ANKRD55: variants seen among roughly 807,000 people sequenced by gnomAD.
The protein encoded by ANKRD55 is ankyrin repeat domain-containing protein 55.
In ANKRD55, 41 loss-of-function variants were observed where a neutral mutation model predicts 60.6. That is an observed-to-expected ratio of 0.68 (90% confidence interval 0.53 to 0.88). The LOEUF (loss-of-function observed/expected upper bound fraction) is 0.88. ANKRD55 is among the 40% of genes least tolerant of loss of function. The probability of loss-of-function intolerance (pLI) is 0.00; values close to 1 mark genes in which losing one functional copy is unlikely to be tolerated. For synonymous variants in ANKRD55, 264 were observed against 290.3 expected, an observed-to-expected ratio of 0.91 and a Z score of 0.92; for missense variants, 732 against 767.6, an observed-to-expected ratio of 0.95 and a Z score of 0.55.
chr5:56,150,878 G>A lies in ANKRD55; in HGVS notation c.484-6949C>T, dbSNP rs139197550. Among the ~76,000 whole-genome samples, 816 of 152,338 alleles carry A rather than the reference G, an allele frequency of 5.4e-3. 25 individuals are homozygous for A. The highest frequency in any genetic ancestry group is 0.038 in the Admixed American group (577 of 15,306). On this transcript the variant is annotated intron_variant, in intron 6 of 11. Coordinates refer to ENST00000341048, the MANE Select transcript of ANKRD55 (RefSeq NM_024669.3). Reference sequence around the variant, plus strand: ...CGCACCACTGCACTCCAGCCTTGGCGACAAAGCGAGACTCCGTCTCAATAA... The same window carrying A: ...CGCACCACTGCACTCCAGCCTTGGCAACAAAGCGAGACTCCGTCTCAATAA...
intron 10 of ANKRD55, among the ~76,000 whole-genome samples, chr5:56,106,786 G>A (rs1222244228): frequency 8.6e-5 from 13 of 152,020 alleles, no homozygotes; most frequent in Admixed American, 8.5e-4. Flanking sequence ...TGGGAGGATT[G>A]CTTGAGGCCA....
chr5:56,207,602 G>A (rs186451167), intron 2 of ANKRD55, among the ~76,000 whole-genome samples: 2 of 152,312 alleles, frequency 1.3e-5, no homozygotes, highest in Non-Finnish European at 1.5e-5. Context: ...GCATGTTACT[G>A]TACTGAATAC....
chr5:56,197,823 A>G (rs1759261911), intron 2 of ANKRD55, among the ~76,000 whole-genome samples: 1 of 152,190 alleles, frequency 6.6e-6, no homozygotes, highest in Non-Finnish European at 1.5e-5. Flanking sequence ...ATTGGATTTG[A>G]GCATTAAATT....
Position 56,217,624 on chromosome 5 carries a change from G to A in ANKRD55, c.58+15232C>T, listed in dbSNP as rs186908943. 7.9e-5 allele frequency among the ~76,000 whole-genome samples: 12 copies of A among 152,268 alleles called. No homozygotes were observed. In the East Asian group the frequency reaches 1.3e-3, roughly 17 times the overall value. ...ATACCCTTAAAAACATTCATGATTC[G>A]TGGCTCATGCCTGTAATCCCAGCAC... On this transcript the variant is annotated intron_variant, in intron 2 of 11. Transcript: ENST00000341048.
At chr5:56,230,854 C>T (rs1760235034) in intron 2 of ANKRD55, among the ~76,000 whole-genome samples, 1 of 152,132 alleles carries the variant, frequency 6.6e-6, no homozygotes, top group Non-Finnish European at 1.5e-5. Flanking sequence ...GATGAGTAGT[C>T]TTTTGCACTT....
At position 56,104,187 on chromosome 5, in the gene ANKRD55, T is replaced by C. The variant is rs540742853; in HGVS notation, c.1631-1601A>G. 9.7e-4 allele frequency among the ~76,000 whole-genome samples: 148 copies of C among 152,324 alleles called. 2 individuals are homozygous for C. The South Asian group carries it at 0.012, about 13-fold the overall frequency. ...ATGGAACACTTACTTTTGTCAGGAA[T>C]AGGGATAAATGCTGTAGGCATAATC... On this transcript the variant is annotated intron_variant, in intron 10 of 11. Transcript: ENST00000341048.
chr5:56,115,204 A>ATAAT lies in ANKRD55; in HGVS notation c.965+1407_965+1410dup, dbSNP rs1364723830. On this transcript the variant is annotated intron_variant, in intron 9 of 11. Transcript: ENST00000341048. ...GACAAGTGAGACTCTGGTTCTAAAA[A>ATAAT]TAATAATAATAATAAATAAATAAAT... 3.6e-5 allele frequency among the ~76,000 whole-genome samples: 3 copies of ATAAT among 83,076 alleles called. No homozygotes were observed. In the East Asian group the frequency reaches 1.0e-3, roughly 28 times the overall value. The allele number at this position is 83,076 out of a possible 152,430, so 54.5% of individuals were successfully genotyped here.
At chr5:56,167,301 G>A (rs1267487643) in intron 5 of ANKRD55, among the ~76,000 whole-genome samples, 1 of 152,246 alleles carries the variant, frequency 6.6e-6, no homozygotes, top group Non-Finnish European at 1.5e-5. Context: ...TGCACAGCAT[G>A]TGACTGTACT....
intron 2 of ANKRD55, among the ~76,000 whole-genome samples, chr5:56,227,881 A>T (rs1167075657): frequency 6.6e-6 from 1 of 152,160 alleles, no homozygotes; most frequent in African/African-American, 2.4e-5. Context: ...TGCTCCATAA[A>T]CATTCGCTCT....
intron 8 of ANKRD55, among the ~76,000 whole-genome samples, chr5:56,126,140 A>G (rs1189864056): frequency 6.7e-6 from 1 of 150,290 alleles, no homozygotes; most frequent in East Asian, 1.9e-4. Flanking sequence ...TCTCAAAAAA[A>G]TAGATAAAAT....
At chr5:56,104,657 T>TTAA (rs1196123835) in intron 10 of ANKRD55, among the ~76,000 whole-genome samples, 1 of 151,830 alleles carries the variant, frequency 6.6e-6, no homozygotes. Flanking sequence ...GACTGCAGGA[T>TTAA]TAATAATAAT....
At chr5:56,205,303 C>T (rs141651367) in intron 2 of ANKRD55, among the ~76,000 whole-genome samples, 19,168 of 152,170 alleles carry the variant, frequency 0.13, 2,622 homozygotes, top group African/African-American at 0.33. Context: ...TCAAGTGATC[C>T]ACCTGCCTCA....
chr5:56,170,593 C>G, intron 5 of ANKRD55, 101 bp downstream of exon 5: 173 of 788,556 alleles, frequency 2.2e-4, no homozygotes, highest in Middle Eastern at 2.9e-4. Context: ...AGATGGTTTT[C>G]TTTTTCTTTT....
At chr5:56,162,115 G>A in intron 5 of ANKRD55, 2 of 772,890 alleles carry the variant, frequency 2.6e-6, no homozygotes, top group Non-Finnish European at 3.1e-6. Context: ...GAGGTCAGCT[G>A]TGGTCCAGTG....
chr5:56,168,247 C>T (rs1017312241), intron 5 of ANKRD55, among the ~76,000 whole-genome samples: 9 of 152,204 alleles, frequency 5.9e-5, no homozygotes, highest in South Asian at 2.1e-4. Context: ...TGCGGTTTCG[C>T]TTTCCATTAT....
chr5:56,118,846 A>T (rs1276416537), intron 8 of ANKRD55, among the ~76,000 whole-genome samples: 1 of 152,076 alleles, frequency 6.6e-6, no homozygotes, highest in East Asian at 1.9e-4. Context: ...ACCAATACAC[A>T]CCTATGAAGA....
At chr5:56,163,458 C>T (rs1758380020) in intron 5 of ANKRD55, among the ~76,000 whole-genome samples, 2 of 152,322 alleles carry the variant, frequency 1.3e-5, no homozygotes, top group South Asian at 4.1e-4. Context: ...TCTACACCCC[C>T]ATCAGCCAAG....
rs201139565 is a variant in ANKRD55, at chr5:56,183,578, C to G, written c.115G>C (p.Asp39His). ...ATCACTGCAGTCAGAGCATTGACAT[C>G]TCCATTAGAGGCTGCTTGATAAACC... ...TMVYQAASNGDVNALTAVIRE... is the reference protein window; with the variant it reads ...TMVYQAASNGHVNALTAVIRE... Residue 39 changes from aspartate to histidine, a missense_variant, in exon 3 of 12, where the codon GAT becomes CAT. By Grantham distance (81) the Asp-to-His change is moderately conservative (BLOSUM62 -1). Coordinates refer to ENST00000341048, the MANE Select transcript of ANKRD55 (RefSeq NM_024669.3). 510 of 1,614,214 alleles carry G rather than the reference C, an allele frequency of 3.2e-4. 2 individuals carry two copies. In the East Asian group the frequency reaches 7.4e-3, roughly 23 times the overall value.
chr5:56,169,140 AG>A (rs1758550161), intron 5 of ANKRD55, among the ~76,000 whole-genome samples: 1 of 152,192 alleles, frequency 6.6e-6, no homozygotes, highest in Non-Finnish European at 1.5e-5. Flanking sequence ...TACAGGTGTG[AG>A]CCATGGCACC....
Sources: gnomAD v4.1 joint callset for allele counts (sites outside exome capture counted in the v4.1 genomes callset) on GRCh38, gnomAD v4.1.1 for gene constraint, MANE v1.5 for transcripts, NCBI Gene and HGNC (gene_info 2026-07-23, HGNC 2026-07-21) for gene names.